Variants in CDH1 observed in about 807,000 individuals in gnomAD.
CDH1 encodes the protein cadherin-1.
Under a neutral mutation model 84.5 loss-of-function variants are expected in CDH1, and 35 were observed. The ratio of observed to expected loss-of-function variants is 0.41; its 90% CI spans 0.32 to 0.55. CDH1 has a LOEUF of 0.55. CDH1 is among the 20% of genes least tolerant of loss of function. CDH1 has a pLI of 0.19. For synonymous variants in CDH1, 417 were observed against 439.0 expected (o/e 0.95, Z 0.63); for missense variants, 994 against 1,126.6 (o/e 0.88, Z 1.68).
At position 68,834,104 on chromosome 16, in the gene CDH1, G is replaced by GCGC. The variant is rs1961574733; in HGVS notation, c.*606_*607insGCC. ...CCCAAGTAGCTGGGACCACAGGCATGCACCACTACGCATGACTAATTTTTT... is the reference window on the plus strand; with the variant it reads ...CCCAAGTAGCTGGGACCACAGGCATGCGCCACCACTACGCATGACTAATTTTTT... On this transcript the variant is annotated 3_prime_UTR_variant, in exon 16 of 16. Transcript: ENST00000261769. 1 of 411,114 alleles carries GCGC rather than the reference G, an allele frequency of 2.4e-6. No individual in the cohort carries two copies. The highest frequency in any genetic ancestry group is 4.8e-6 in the Non-Finnish European group (1 of 207,962). The allele number at this position is 411,114 out of a possible 1,614,324, so 25.5% of individuals were successfully genotyped here. A position where few individuals can be genotyped will look rare whatever the true frequency, so the allele number is the denominator to read the frequency against.
intron 2 of CDH1, among the ~76,000 whole-genome samples, chr16:68,782,173 C>T (rs1222113639): frequency 6.6e-6 from 1 of 152,176 alleles, no homozygotes; most frequent in Non-Finnish European, 1.5e-5. Context: ...ACCACCACAC[C>T]CAAAGGCAGG....
intron 12 of CDH1, 100 bp from the exon 13 acceptor site, chr16:68,823,299 C>T (rs1961219004): frequency 1.1e-5 from 9 of 829,340 alleles, no homozygotes; most frequent in South Asian, 2.7e-5. Flanking sequence ...TCTCTTCACT[C>T]GGCTTGCGGG....
At chr16:68,772,451 T>C (rs1209590223) in intron 2 of CDH1, among the ~76,000 whole-genome samples, 3 of 152,176 alleles carry the variant, frequency 2.0e-5, no homozygotes, top group Non-Finnish European at 2.9e-5. Flanking sequence ...ACTGGGCATC[T>C]TTTATGCACC....
At chr16:68,819,990 G>C (rs1439517520) in intron 11 of CDH1, among the ~76,000 whole-genome samples, 2 of 152,088 alleles carry the variant, frequency 1.3e-5, no homozygotes, top group African/African-American at 4.8e-5. Context: ...CTTGAGCCCA[G>C]GAGTTCAAGA....
chr16:68,806,571 G>T (rs958491621), intron 3 of CDH1, among the ~76,000 whole-genome samples: 2 of 152,090 alleles, frequency 1.3e-5, no homozygotes, highest in Admixed American at 1.3e-4. Flanking sequence ...TACCTTTATT[G>T]AGCACTTACT....
intron 2 of CDH1, among the ~76,000 whole-genome samples, chr16:68,753,464 A>C (rs1023223880): frequency 1.3e-5 from 2 of 151,638 alleles, no homozygotes; most frequent in African/African-American, 4.8e-5. Context: ...CTCCTGCCTC[A>C]GCCTCCTGAG....
At chr16:68,791,553 G>T (rs946383941) in intron 2 of CDH1, among the ~76,000 whole-genome samples, 1 of 151,938 alleles carries the variant, frequency 6.6e-6, no homozygotes, top group African/African-American at 2.4e-5. Flanking sequence ...CTCCTAAATA[G>T]CTGGGACTAT....
At chr16:68,795,920 T>G (rs1301264740) in intron 2 of CDH1, among the ~76,000 whole-genome samples, 1 of 151,804 alleles carries the variant, frequency 6.6e-6, no homozygotes, top group Admixed American at 6.6e-5. Context: ...TCCCAGCACT[T>G]TGGGCGGCCA....
intron 15 of CDH1, among the ~76,000 whole-genome samples, chr16:68,830,540 T>C (rs776989124): frequency 7.9e-5 from 12 of 152,132 alleles, no homozygotes; most frequent in Non-Finnish European, 1.0e-4. Flanking sequence ...CAGCTCTAAA[T>C]ACAAGATGCT....
intron 5 of CDH1, 36 bp downstream of exon 5, chr16:68,808,884 A>C: frequency 6.2e-7 from 1 of 1,610,064 alleles, no homozygotes; most frequent in Non-Finnish European, 8.5e-7. Flanking sequence ...ACACCGGGGT[A>C]ACATCCACCC....
At chr16:68,783,412 G>GA (rs113206487) in intron 2 of CDH1, among the ~76,000 whole-genome samples, 39,871 of 144,768 alleles carry the variant, frequency 0.28, 5,578 homozygotes, top group Middle Eastern at 0.31. Context: ...AAAGAAAAAA[G>GA]AAAAAAAGAA....
chr16:68,749,714 C>T (rs997669750), intron 2 of CDH1, among the ~76,000 whole-genome samples: 1 of 152,206 alleles, frequency 6.6e-6, no homozygotes, highest in Non-Finnish European at 1.5e-5. Context: ...CAAGTCACCC[C>T]GCCAGGTGAT....
intron 2 of CDH1, among the ~76,000 whole-genome samples, chr16:68,790,592 A>G (rs987531093): frequency 6.6e-6 from 1 of 151,954 alleles, no homozygotes; most frequent in Non-Finnish European, 1.5e-5. Flanking sequence ...AATCAAACGC[A>G]TTTCCCTCCC....
In CDH1 at chr16:68,835,093, A is replaced by C. The variant is rs1383317878; in HGVS notation, c.*1594A>C. 7 of 231,636 alleles carry C rather than the reference A, an allele frequency of 3.0e-5. No individual in the cohort carries two copies. Among genetic ancestry groups the C allele is most frequent in the Admixed American group, 5.6e-5 (1 of 17,728 alleles). 14.3% of individuals were successfully genotyped at this position (231,636 alleles called of 1,614,324 possible). On this transcript the variant is annotated 3_prime_UTR_variant, in exon 16 of 16. Transcript: ENST00000261769. ...GAGCTGAACACATTTGCCCAATTCC[A>C]GGTGTGCACAGAAAACCGAGAATAT...
intron 10 of CDH1, among the ~76,000 whole-genome samples, chr16:68,816,737 A>G (rs1260608439): frequency 2.0e-5 from 3 of 150,962 alleles, no homozygotes; most frequent in African/African-American, 7.4e-5. Flanking sequence ...TGACAGAGTG[A>G]GACTCCATCT....
intron 1 of CDH1, 138 bp downstream of exon 1, chr16:68,737,601 G>C: frequency 1.2e-6 from 1 of 812,328 alleles, no homozygotes; most frequent in Non-Finnish European, 2.0e-6. Context: ...GGAGCGGCCT[G>C]GAAGCCTCGC....
At chr16:68,782,016 C>T (rs775901016) in intron 2 of CDH1, among the ~76,000 whole-genome samples, 25 of 152,302 alleles carry the variant, frequency 1.6e-4, no homozygotes, top group Non-Finnish European at 2.6e-4. Context: ...AGAGATGTTT[C>T]CAGATGGCCT....
chr16:68,795,761 G>A (rs934774381), intron 2 of CDH1, among the ~76,000 whole-genome samples: 3 of 151,746 alleles, frequency 2.0e-5, no homozygotes, highest in African/African-American at 7.2e-5. Context: ...CTCCCAAAGT[G>A]CTGGGATTAC....
rs943875725 is a variant in CDH1 at position 68,810,341 on chromosome 16, G to C, written c.832G>C (p.Gly278Arg). 6.2e-7 allele frequency: 1 copy of C among 1,613,230 alleles called. No homozygotes were observed. The highest frequency in any genetic ancestry group is 8.5e-7 in the Non-Finnish European group (1 of 1,179,216). ...KGSVMEGALP[G>R]TSVMEVTATD... Reference sequence around the variant, plus strand: ...GTCTGTCATGGAAGGTGCTCTTCCAGGTATATCCACTAATGAGAATCTGAA... The same window carrying C: ...GTCTGTCATGGAAGGTGCTCTTCCACGTATATCCACTAATGAGAATCTGAA... Residue 278 changes from glycine to arginine, a missense_variant and splice_region_variant, in exon 6 of 16, where the codon GGA becomes CGA. By Grantham distance (125) the Gly-to-Arg change is moderately radical. This residue lies in a region of CDH1 where 769 missense variants were observed against 881.8 expected (regional missense o/e 0.87). Coordinates refer to ENST00000261769, the MANE Select transcript of CDH1 (RefSeq NM_004360.5).
Sources: gnomAD v4.1 joint callset for allele counts (sites outside exome capture counted in the v4.1 genomes callset) on GRCh38, gnomAD v4.1.1 for gene constraint, gnomAD v4.1.1 regional missense constraint, MANE v1.5 for transcripts, NCBI Gene and HGNC (gene_info 2026-07-23, HGNC 2026-07-21) for gene names.